NACC2: variants seen among roughly 807,000 people sequenced by gnomAD.
The protein encoded by NACC2 is nucleus accumbens-associated protein 2.
In NACC2, 8 loss-of-function variants were observed where a neutral mutation model predicts 25.1. That is an observed-to-expected ratio of 0.32 (90% CI 0.19 to 0.57). The LOEUF is 0.57. Among genes scored for constraint, NACC2 ranks in the 20% least tolerant of loss-of-function variants. NACC2 has a pLI of 0.89. For missense variants in NACC2, 644 were observed against 650.2 expected, an observed-to-expected ratio of 0.99 and a Z score of 0.10; for synonymous variants, 435 against 294.7, an observed-to-expected ratio of 1.48 and a Z score of -4.88.
At chr9:136,054,334 A>G (rs1292801149) in intron 1 of NACC2, among the ~76,000 whole-genome samples, 1 of 152,182 alleles carries the variant, frequency 6.6e-6, no homozygotes, top group Non-Finnish European at 1.5e-5. Flanking sequence ...CTGGGGATCG[A>G]GGACAACTGG....
chr9:136,061,048 T>C (rs1841003310), intron 1 of NACC2, among the ~76,000 whole-genome samples: 1 of 152,162 alleles, frequency 6.6e-6, no homozygotes, highest in African/African-American at 2.4e-5. Context: ...TTCTGTCACA[T>C]ACTGGAACGG....
intron 1 of NACC2, among the ~76,000 whole-genome samples, chr9:136,091,467 C>T (rs1830433203): frequency 6.6e-6 from 1 of 152,242 alleles, no homozygotes; most frequent in Non-Finnish European, 1.5e-5. Flanking sequence ...GCCCCAGGAG[C>T]CCTGGGTCAG....
chr9:136,052,331 C>T (rs1192469160), intron 1 of NACC2, among the ~76,000 whole-genome samples: 2 of 152,290 alleles, frequency 1.3e-5, no homozygotes, highest in East Asian at 3.9e-4. Flanking sequence ...TGCCTCCCGG[C>T]CTTCCAGGAC....
chr9:136,043,477 C>T (rs757243019), intron 2 of NACC2, among the ~76,000 whole-genome samples: 41 of 152,374 alleles, frequency 2.7e-4, no homozygotes, highest in African/African-American at 9.4e-4. Context: ...GCCGTAAGGC[C>T]GTGGGGCGCC....
chr9:136,051,976 C>T (rs1840851890), intron 1 of NACC2, among the ~76,000 whole-genome samples: 1 of 151,984 alleles, frequency 6.6e-6, no homozygotes, highest in Non-Finnish European at 1.5e-5. Flanking sequence ...GGCCGCAGCT[C>T]AGCTGCACCC....
At chr9:136,053,696 A>G (rs1840882880) in intron 1 of NACC2, among the ~76,000 whole-genome samples, 1 of 152,190 alleles carries the variant, frequency 6.6e-6, no homozygotes, top group African/African-American at 2.4e-5. Context: ...CACTGCGCCC[A>G]CCACCAGGAG....
intron 2 of NACC2, 80 bp from the exon 3 acceptor site, chr9:136,016,509 C>A: frequency 1.3e-6 from 2 of 1,547,676 alleles, no homozygotes; most frequent in South Asian, 1.1e-5. Flanking sequence ...GCCCTCCATG[C>A]TCCCTGGGGC....
rs370934253 is a variant in NACC2 at position 136,091,453 on chromosome 9, T to C, written c.-60+3736A>G. ...CAGCAAGCAGACACTGGGGATGTGG[T>C]GGGGCCCCAGGAGCCCTGGGTCAGG... On this transcript the variant is annotated intron_variant, in intron 1 of 5. Coordinates refer to ENST00000277554, the MANE Select transcript of NACC2 (RefSeq NM_144653.5). Among the ~76,000 whole-genome samples, 28 of 152,234 alleles carry C rather than the reference T, an allele frequency of 1.8e-4. No individual in the cohort carries two copies. The East Asian group carries it at 4.6e-3, about 25-fold the overall frequency.
intron 1 of NACC2, among the ~76,000 whole-genome samples, chr9:136,076,940 G>GAGGCAGA (rs1564240987): frequency 6.6e-6 from 1 of 151,266 alleles, no homozygotes; most frequent in Non-Finnish European, 1.5e-5. Context: ...CAGGAGGCAG[G>GAGGCAGA]GCCTGCAGTG....
chr9:136,040,528 A>T (rs1456944693), intron 2 of NACC2, among the ~76,000 whole-genome samples: 1 of 152,128 alleles, frequency 6.6e-6, no homozygotes, highest in Non-Finnish European at 1.5e-5. Flanking sequence ...TGCAAAACAC[A>T]TGTCTGTAAA....
intron 2 of NACC2, among the ~76,000 whole-genome samples, chr9:136,024,951 C>T (rs1403055290): frequency 2.0e-5 from 3 of 152,178 alleles, no homozygotes; most frequent in Admixed American, 6.5e-5. Context: ...GGTGCAATTT[C>T]GGAACTGTCC....
chr9:136,087,356 C>A (rs1830389691), intron 1 of NACC2, among the ~76,000 whole-genome samples: 1 of 152,198 alleles, frequency 6.6e-6, no homozygotes, highest in Admixed American at 6.5e-5. Context: ...CCAACACACC[C>A]CAGGGTGCTG....
intron 1 of NACC2, among the ~76,000 whole-genome samples, chr9:136,092,027 C>A (rs1588587663): frequency 6.6e-6 from 1 of 152,156 alleles, no homozygotes; most frequent in Non-Finnish European, 1.5e-5. Context: ...GAAAGGGAAA[C>A]GAGATCCACC....
At chr9:136,078,171 C>T (rs1830282869) in intron 1 of NACC2, among the ~76,000 whole-genome samples, 1 of 152,176 alleles carries the variant, frequency 6.6e-6, no homozygotes, top group Admixed American at 6.5e-5. Flanking sequence ...GGACCAGGCA[C>T]CCACTCAAAC....
chr9:136,077,572 C>A (rs1830276009), intron 1 of NACC2, among the ~76,000 whole-genome samples: 1 of 152,128 alleles, frequency 6.6e-6, no homozygotes, highest in Admixed American at 6.5e-5. Flanking sequence ...TCTACAAATT[C>A]TACAAATCCA....
At position 136,022,676 on chromosome 9, in the gene NACC2, C is replaced by T. The variant is rs1434482371; in HGVS notation, c.887-6247G>A. ...AGTGTCCCCAGGGCCTGGCACACAG[C>T]ATGCGCCTAACACACAGGGCCCATC... On this transcript the variant is annotated intron_variant, in intron 2 of 5. Transcript: ENST00000277554. The surrounding 1 kb of genome is among the most constrained non-coding windows in gnomAD (Gnocchi z 4.4). Among the ~76,000 whole-genome samples, 1 of 152,166 alleles carries T rather than the reference C, an allele frequency of 6.6e-6. No individual in the cohort carries two copies. The highest frequency in any genetic ancestry group is 1.5e-5 in the Non-Finnish European group (1 of 68,024).
At chr9:136,058,225 C>T (rs1840956177) in intron 1 of NACC2, among the ~76,000 whole-genome samples, 1 of 152,228 alleles carries the variant, frequency 6.6e-6, no homozygotes, top group Non-Finnish European at 1.5e-5. Flanking sequence ...TCCTTGGGGT[C>T]ACCAACCTCG....
intron 1 of NACC2, among the ~76,000 whole-genome samples, chr9:136,078,984 T>G (rs983966774): frequency 6.6e-6 from 1 of 151,672 alleles, no homozygotes; most frequent in Admixed American, 6.6e-5. Context: ...CCGCCGCCCC[T>G]CTCCGATTCC....
intron 1 of NACC2, among the ~76,000 whole-genome samples, chr9:136,054,575 G>T (rs986572988): frequency 7.2e-5 from 11 of 152,186 alleles, no homozygotes; most frequent in Non-Finnish European, 1.5e-4. Context: ...AGAGGAGGGG[G>T]CCGAGGGCCC....
Sources: gnomAD v4.1 joint callset for allele counts (sites outside exome capture counted in the v4.1 genomes callset) on GRCh38, gnomAD v4.1.1 for gene constraint, Gnocchi (gnomAD v3.1) non-coding constraint, MANE v1.5 for transcripts, NCBI Gene and HGNC (gene_info 2026-07-23, HGNC 2026-07-21) for gene names.